Variants in NCOR1 observed in about 807,000 individuals in gnomAD.
NCOR1 encodes the protein nuclear receptor corepressor 1.
In NCOR1, 63 loss-of-function variants were observed where a neutral mutation model predicts 288.1. The observed-to-expected ratio is 0.22, with a 90% confidence interval of 0.18 to 0.27. The LOEUF is 0.27. Ranked by LOEUF, NCOR1 falls within the 10% of genes least tolerant of loss-of-function variation. NCOR1 has a pLI of 1.00. For synonymous variants in NCOR1, 1,007 were observed against 1,065.9 expected (o/e 0.94, Z 1.08); for missense variants, 2,397 against 3,019.2 (o/e 0.79, Z 4.83).
In NCOR1 at chr17:16,065,039, A is replaced by G. The variant is rs746732431; in HGVS notation, c.4952-20T>C. On this transcript the variant is annotated intron_variant, in intron 33 of 45. Transcript: ENST00000268712. ...TGATTCCTATCCAAAAGACAATACA[A>G]TTTATGTTAAGTGTTATTCTAAAGG... 7 of 1,608,198 alleles carry G rather than the reference A, an allele frequency of 4.4e-6. No homozygotes were observed. In the East Asian group the frequency reaches 1.3e-4, roughly 31 times the overall value.
At chr17:16,159,468 A>T (rs867801227) in intron 5 of NCOR1, among the ~76,000 whole-genome samples, 25 of 152,032 alleles carry the variant, frequency 1.6e-4, no homozygotes, top group Non-Finnish European at 3.5e-4. Flanking sequence ...AAGCAAAATA[A>T]TAAGAGAAGT....
chr17:16,082,669 A>G (rs529033257), intron 23 of NCOR1, among the ~76,000 whole-genome samples: 1 of 152,136 alleles, frequency 6.6e-6, no homozygotes, highest in African/African-American at 2.4e-5. Flanking sequence ...CAGTGAGCTA[A>G]GATCATGCCA....
chr17:16,054,070 T>TAAAAAA (rs752015595), intron 40 of NCOR1, among the ~76,000 whole-genome samples: 50 of 71,832 alleles, frequency 7.0e-4, no homozygotes, highest in South Asian at 1.3e-3. Context: ...GACTTAAATG[T>TAAAAAA]AAAAAAAAAA....
chr17:16,199,315 G>A (rs1348995872), intron 1 of NCOR1, among the ~76,000 whole-genome samples: 5 of 151,188 alleles, frequency 3.3e-5, no homozygotes, highest in African/African-American at 4.9e-5. Context: ...TCCTGTCCTC[G>A]CATGAACTGC....
intron 40 of NCOR1, among the ~76,000 whole-genome samples, chr17:16,053,648 C>T (rs946859191): frequency 2.0e-5 from 3 of 152,122 alleles, no homozygotes; most frequent in Admixed American, 6.5e-5. Context: ...AATGCTATTC[C>T]TATTAAACTA....
intron 44 of NCOR1, among the ~76,000 whole-genome samples, chr17:16,038,067 A>G (rs578062268): frequency 2.0e-5 from 3 of 152,124 alleles, no homozygotes; most frequent in Non-Finnish European, 4.4e-5. Context: ...GTTAACATGT[A>G]TAGTTTTTTT....
chr17:16,136,962 T>TC (rs1316134446), intron 14 of NCOR1, among the ~76,000 whole-genome samples: 2 of 152,048 alleles, frequency 1.3e-5, no homozygotes, highest in African/African-American at 2.4e-5. Context: ...ACCTGACCCC[T>TC]CCTCAGATAA....
intron 11 of NCOR1, among the ~76,000 whole-genome samples, chr17:16,143,065 T>C (rs2153302366): frequency 6.6e-6 from 1 of 152,308 alleles, no homozygotes. Flanking sequence ...CTATATCACC[T>C]GCAGACAGAT....
intron 3 of NCOR1, among the ~76,000 whole-genome samples, chr17:16,180,173 T>C (rs942755946): frequency 1.3e-5 from 2 of 152,034 alleles, no homozygotes; most frequent in Non-Finnish European, 2.9e-5. Context: ...AAGAGATATA[T>C]GAAATGGTGC....
rs534021749 is a variant in NCOR1 at position 16,034,554 on chromosome 17, G to A, written c.7135+211C>T. Among the ~76,000 whole-genome samples the A allele has an allele frequency of 8.7e-4, 132 of 152,216 alleles. 2 individuals carry two copies. Among genetic ancestry groups the A allele is most frequent in the South Asian group, 6.2e-3 (30 of 4,826 alleles). ...GCCTCAGAGGTCGAGGCTGCAGTGA[G>A]CCATGATCATGCCATTGCATTCCAG... On this transcript the variant is annotated intron_variant, in intron 45 of 45. Coordinates refer to ENST00000268712, the MANE Select transcript of NCOR1 (RefSeq NM_006311.4).
At chr17:16,181,222 T>TAC (rs1468416792) in intron 3 of NCOR1, among the ~76,000 whole-genome samples, 7 of 143,668 alleles carry the variant, frequency 4.9e-5, no homozygotes, top group African/African-American at 1.6e-4. Flanking sequence ...TGTGTGTGTG[T>TAC]GTGTGTGTGT....
chr17:16,067,613 A>C (rs1311442364), intron 32 of NCOR1, among the ~76,000 whole-genome samples: 3 of 152,228 alleles, frequency 2.0e-5, no homozygotes, highest in Non-Finnish European at 4.4e-5. Context: ...TTTTAAAATA[A>C]TTATTCACAT....
chr17:16,110,402 A>T (rs909029749), intron 18 of NCOR1, among the ~76,000 whole-genome samples: 13 of 151,970 alleles, frequency 8.6e-5, no homozygotes, highest in South Asian at 2.1e-4. Context: ...ATTCCTTTTT[A>T]AAAAAAATTG....
chr17:16,139,802 TTAAC>T (rs1224951801), intron 11 of NCOR1, among the ~76,000 whole-genome samples: 1 of 152,194 alleles, frequency 6.6e-6, no homozygotes, highest in Non-Finnish European at 1.5e-5. Flanking sequence ...TTCCCAAAGT[TTAAC>T]TGAGGAAATT....
chr17:16,029,931 C>T lies in NCOR1; in HGVS notation c.*2365G>A, dbSNP rs1971787353. The T allele has an allele frequency of 6.4e-6, 1 of 156,116 alleles. No individual in the cohort carries two copies. The highest frequency in any genetic ancestry group is 6.5e-5 in the Admixed American group (1 of 15,354). 9.7% of individuals were successfully genotyped at this position (156,116 alleles called of 1,614,324 possible). On this transcript the variant is annotated 3_prime_UTR_variant, in exon 46 of 46. Transcript: ENST00000268712. ...CAAGAGTAAGAAGTTAGGCTCTGAT[C>T]TGACATGTTCTCAGAAACTATACGG... is the stretch of plus-strand genomic sequence containing the variant.
chr17:16,178,628 T>C (rs977918965), intron 3 of NCOR1, among the ~76,000 whole-genome samples: 1 of 151,914 alleles, frequency 6.6e-6, no homozygotes, highest in Non-Finnish European at 1.5e-5. Flanking sequence ...TCATTCAAGA[T>C]ACTTGTAATT....
At chr17:16,176,102 C>T (rs2084119928) in intron 3 of NCOR1, among the ~76,000 whole-genome samples, 1 of 151,730 alleles carries the variant, frequency 6.6e-6, no homozygotes, top group African/African-American at 2.4e-5. Context: ...GCCCGTAATC[C>T]CAGCTACTTG....
chr17:16,031,960 C>T lies in NCOR1; in HGVS notation c.*336G>A, dbSNP rs1972084654. 1 of 303,864 alleles carries T rather than the reference C, an allele frequency of 3.3e-6. No homozygotes were observed. Among genetic ancestry groups the T allele is most frequent in the Non-Finnish European group, 6.0e-6 (1 of 165,296 alleles). The allele number at this position is 303,864 out of a possible 1,614,324, so 18.8% of individuals were successfully genotyped here. On this transcript the variant is annotated 3_prime_UTR_variant, in exon 46 of 46. Transcript: ENST00000268712. ...AAGGGGATATACACTGCAAAAAGGT[C>T]ATCTATTTACAGAAGAGTGATTTAA...
Position 16,091,989 on chromosome 17 carries a change from T to C in NCOR1, c.2890A>G (p.Ile964Val), listed in dbSNP as rs1429262088. The change falls in exon 22 of 46, where the codon ATT becomes GTT. Residue 964 changes from isoleucine (I) to valine (V), a missense_variant. Coordinates refer to ENST00000268712, the MANE Select transcript of NCOR1 (RefSeq NM_006311.4). Reference protein sequence around the residue: ...VSGYALYQRHIKAMHESALLE... With the variant: ...VSGYALYQRHVKAMHESALLE... The stretch of plus-strand genomic sequence containing the variant: ...AGTGCTGACTCATGCATTGCTTTAA[T>C]GTGTCGCTGGTAGAGAGCATAGCCG... 3 of 1,614,250 alleles carry C rather than the reference T, an allele frequency of 1.9e-6. No individual in the cohort carries two copies. Among genetic ancestry groups the C allele is most frequent in the Admixed American group, 3.3e-5 (2 of 60,028 alleles).
Sources: gnomAD v4.1 joint callset for allele counts (sites outside exome capture counted in the v4.1 genomes callset) on GRCh38, gnomAD v4.1.1 for gene constraint, MANE v1.5 for transcripts, NCBI Gene and HGNC (gene_info 2026-07-23, HGNC 2026-07-21) for gene names.